Variants in PLEKHM1 observed in about 807,000 individuals in gnomAD.
The protein encoded by PLEKHM1 is pleckstrin homology domain-containing family M member 1.
PLEKHM1 carries 28 observed loss-of-function variants against 94.3 expected under a neutral mutation model. That is an observed-to-expected ratio of 0.30 (90% CI 0.22 to 0.41). The LOEUF (loss-of-function observed/expected upper bound fraction) is 0.41, where lower values mean the gene tolerates loss of function less well. PLEKHM1 is among the 10% of genes least tolerant of loss of function. The pLI, the probability that PLEKHM1 is intolerant of heterozygous loss-of-function variation, is 1.00. For missense variants in PLEKHM1, 907 were observed against 1,358.6 expected, an observed-to-expected ratio of 0.67 and a Z score of 5.22; for synonymous variants, 424 against 581.2, an observed-to-expected ratio of 0.73 and a Z score of 3.89.
At chr17:45,474,570 A>G (rs1198402638) in intron 4 of PLEKHM1, among the ~76,000 whole-genome samples, 7 of 152,200 alleles carry the variant, frequency 4.6e-5, no homozygotes, top group Non-Finnish European at 1.0e-4. Context: ...GGACGTTTTA[A>G]ATGTACTCTG....
chr17:45,477,738 ATAAGCCTTTCTAGAAGACAC>A (rs1218181364), intron 3 of PLEKHM1, 142 bp downstream of exon 3: 1 of 788,292 alleles, frequency 1.3e-6, no homozygotes, highest in African/African-American at 1.7e-5. Context: ...TGGTCTAGAG[ATAAGCCTTTCTAGAAGACAC>A]TTTCAACCCC....
At chr17:45,447,953 C>G (rs1290775689) in intron 8 of PLEKHM1, 3 of 151,568 alleles carry the variant, frequency 2.0e-5, no homozygotes, top group African/African-American at 4.8e-5. Context: ...TGCGCCACCA[C>G]GCCCAGCTAA....
At position 45,437,909 on chromosome 17, in the gene PLEKHM1, G is replaced by A; in HGVS notation, c.3120C>T (p.Cys1040=). 2 of 1,613,900 alleles carry A rather than the reference G, an allele frequency of 1.2e-6. No individual in the cohort carries two copies. Residue 1040 remains cysteine (C), a synonymous_variant, in exon 12 of 12, where the codon TGC becomes TGT. Transcript: ENST00000430334. This position sits in a 1 kb window ranked among gnomAD's most constrained non-coding sequence, Gnocchi z 4.0. ...ACTTGCGCCGGCGGGCACAGCGGGG[G>A]CAGCCCTTCTTCACCACAGCCTGGC... The part of the protein sequence containing the change: ...QSCQAVVKKG[C]PRCARRRKYQ...
At chr17:45,446,745 G>A (rs528496946) in intron 8 of PLEKHM1, among the ~76,000 whole-genome samples, 3 of 152,182 alleles carry the variant, frequency 2.0e-5, no homozygotes, top group South Asian at 2.1e-4. Flanking sequence ...TTTGACTGTC[G>A]TATCCAGCAA....
At chr17:45,458,026 T>C in intron 6 of PLEKHM1, 143 bp downstream of exon 6, 3 of 667,636 alleles carry the variant, frequency 4.5e-6, no homozygotes, top group South Asian at 3.6e-5. Flanking sequence ...AACATGATTA[T>C]GATGGCATTC....
chr17:45,445,609 T>C lies in PLEKHM1; in HGVS notation c.2698A>G (p.Asn900Asp). 6.2e-7 allele frequency: 1 copy of C among 1,613,730 alleles called. No homozygotes were observed. The highest frequency in any genetic ancestry group is 8.5e-7 in the Non-Finnish European group (1 of 1,179,858). Reference protein sequence around the residue: ...LTQIRAQPLINLQMVNASLYE... With the variant: ...LTQIRAQPLIDLQMVNASLYE... ...AGAGACGCGTTCACCATCTGCAGGTTGATGAGGGGCTGGGCCCGGATCTGT... is the reference window on the plus strand; with the variant it reads ...AGAGACGCGTTCACCATCTGCAGGTCGATGAGGGGCTGGGCCCGGATCTGT... The change falls in exon 9 of 12, where the codon AAC (asparagine) becomes GAC (aspartate). Residue 900 changes from asparagine (N) to aspartate (D), a missense_variant. By Grantham distance (23) the Asn-to-Asp change is conservative. This residue lies in a region of PLEKHM1 where 254 missense variants were observed against 451.1 expected (regional missense o/e 0.56). Transcript: ENST00000430334. This position sits in a 1 kb window ranked among gnomAD's most constrained non-coding sequence, Gnocchi z 4.2.
At chr17:45,478,251 C>T in intron 2 of PLEKHM1, 104 bp from the exon 3 acceptor site, 2 of 1,313,858 alleles carry the variant, frequency 1.5e-6, no homozygotes, top group Non-Finnish European at 1.1e-6. Flanking sequence ...CAACCACATG[C>T]ACACACATCT....
chr17:45,447,233 C>T (rs1338160801), intron 8 of PLEKHM1, among the ~76,000 whole-genome samples: 1 of 152,174 alleles, frequency 6.6e-6, no homozygotes, highest in Non-Finnish European at 1.5e-5. Context: ...GGGCCTCTGA[C>T]CTCTTGTCTC....
At chr17:45,451,112 C>T (rs1426251355) in intron 7 of PLEKHM1, among the ~76,000 whole-genome samples, 2 of 151,520 alleles carry the variant, frequency 1.3e-5, no homozygotes, top group African/African-American at 4.9e-5. Context: ...TGCCTGTGTC[C>T]GGTGTCCCCA....
At chr17:45,460,786 T>G (rs1257340219) in intron 5 of PLEKHM1, among the ~76,000 whole-genome samples, 2 of 152,226 alleles carry the variant, frequency 1.3e-5, no homozygotes, top group Non-Finnish European at 2.9e-5. Flanking sequence ...CTTGCACTCC[T>G]GGACTCAAGT....
chr17:45,463,443 A>G (rs1422060472), intron 5 of PLEKHM1, among the ~76,000 whole-genome samples: 1 of 152,158 alleles, frequency 6.6e-6, no homozygotes, highest in East Asian at 1.9e-4. Context: ...CCCAGGCTGG[A>G]TCACAGTGGT....
Position 45,436,022 on chromosome 17 carries a change from T to C in PLEKHM1, c.*1836A>G, listed in dbSNP as rs2050244737. ...TGCTCACTAGGAACAGTGTATTGCA[T>C]AAAATAACATTTTAAAAATAGTGTG... On this transcript the variant is annotated 3_prime_UTR_variant, in exon 12 of 12. Coordinates refer to ENST00000430334, the MANE Select transcript of PLEKHM1 (RefSeq NM_014798.3). 2.2e-6 allele frequency: 1 copy of C among 456,546 alleles called. No homozygotes were observed. Among genetic ancestry groups the C allele is most frequent in the South Asian group, 1.5e-5 (1 of 64,580 alleles). The allele number at this position is 456,546 out of a possible 1,614,324, so 28.3% of individuals were successfully genotyped here.
intron 5 of PLEKHM1, among the ~76,000 whole-genome samples, chr17:45,460,858 A>G (rs1744522014): frequency 6.6e-6 from 1 of 151,514 alleles, no homozygotes; most frequent in African/African-American, 2.4e-5. Context: ...CTGCCCAGCA[A>G]TGTCTGTTTT....
At position 45,436,672 on chromosome 17, in the gene PLEKHM1, A is replaced by G. The variant is rs916509686; in HGVS notation, c.*1186T>C. 6.6e-6 allele frequency: 3 copies of G among 453,996 alleles called. No homozygotes were observed. The highest frequency in any genetic ancestry group is 2.0e-5 in the African/African-American group (1 of 50,004). 28.1% of individuals were successfully genotyped at this position (453,996 alleles called of 1,614,324 possible). A position where few individuals can be genotyped will look rare whatever the true frequency, so the allele number is the denominator to read the frequency against. ...GAAAACAATTCCAGACTCCCACCCC[A>G]GCCCCAAGGCCCCTTCAAAGGCAGT... On this transcript the variant is annotated 3_prime_UTR_variant, in exon 12 of 12. Coordinates refer to ENST00000430334, the MANE Select transcript of PLEKHM1 (RefSeq NM_014798.3).
Position 45,456,657 on chromosome 17 carries a change from C to T in PLEKHM1, c.1579+1512G>A, listed in dbSNP as rs1022328008. Among the ~76,000 whole-genome samples the T allele has an allele frequency of 2.8e-4, 43 of 152,358 alleles. 1 individual carries two copies. The highest frequency in any genetic ancestry group is 3.4e-3 in the Middle Eastern group (1 of 294). ...CAGCCCGGAGACCGGGCTCTACCCACACAACCCATGCCAGGGCTACCCACA... is the reference window on the plus strand; with the variant it reads ...CAGCCCGGAGACCGGGCTCTACCCATACAACCCATGCCAGGGCTACCCACA... On this transcript the variant is annotated intron_variant, in intron 6 of 11. Coordinates refer to ENST00000430334, the MANE Select transcript of PLEKHM1 (RefSeq NM_014798.3).
At chr17:45,440,298 A>G in intron 9 of PLEKHM1, 72 bp from the exon 10 acceptor site, 1 of 1,450,582 alleles carries the variant, frequency 6.9e-7, no homozygotes, top group South Asian at 1.1e-5. Flanking sequence ...GTTTGTTTAC[A>G]CTCCCCTGGC....
intron 1 of PLEKHM1, among the ~76,000 whole-genome samples, chr17:45,489,951 G>A (rs954592185): frequency 5.9e-5 from 9 of 152,100 alleles, no homozygotes; most frequent in Non-Finnish European, 7.4e-5. Context: ...GGGACAGTTT[G>A]GCAAAGACTT....
At chr17:45,467,653 C>A (rs1203975556) in intron 5 of PLEKHM1, among the ~76,000 whole-genome samples, 3 of 152,074 alleles carry the variant, frequency 2.0e-5, no homozygotes, top group Non-Finnish European at 4.4e-5. Flanking sequence ...CCCAGCTACT[C>A]AGGAGGCTGA....
chr17:45,440,697 C>A, intron 9 of PLEKHM1: 1 of 218,312 alleles, frequency 4.6e-6, no homozygotes, highest in East Asian at 1.1e-4. Flanking sequence ...GAGGTTAAAT[C>A]ACTTGCCTGA....
Sources: gnomAD v4.1 joint callset for allele counts (sites outside exome capture counted in the v4.1 genomes callset) on GRCh38, gnomAD v4.1.1 for gene constraint, gnomAD v4.1.1 regional missense constraint, Gnocchi (gnomAD v3.1) non-coding constraint, MANE v1.5 for transcripts, NCBI Gene and HGNC (gene_info 2026-07-23, HGNC 2026-07-21) for gene names.